SEMA5A: variants seen among roughly 807,000 people sequenced by gnomAD.
SEMA5A encodes semaphorin-5A.
Under a neutral mutation model 135.5 loss-of-function variants are expected in SEMA5A, and 55 were observed. That is an observed-to-expected ratio of 0.41 (90% CI 0.33 to 0.51). The LOEUF is 0.51. Ranked by LOEUF, SEMA5A falls within the 20% of genes least tolerant of loss-of-function variation. SEMA5A has a pLI of 0.37. For synonymous variants in SEMA5A, 580 were observed against 546.5 expected, an observed-to-expected ratio of 1.06 and a Z score of -0.85; for missense variants, 1,290 against 1,419.9, an observed-to-expected ratio of 0.91 and a Z score of 1.47.
At chr5:9,210,287 C>G (rs1746272749) in intron 8 of SEMA5A, among the ~76,000 whole-genome samples, 1 of 152,186 alleles carries the variant, frequency 6.6e-6, no homozygotes, top group South Asian at 2.1e-4. Flanking sequence ...GGCTCCCCAG[C>G]TTTTAAGCCC....
chr5:9,066,421 C>G lies in SEMA5A; in HGVS notation c.2299G>C (p.Gly767Arg). 6.2e-7 allele frequency: 1 copy of G among 1,614,008 alleles called. No homozygotes were observed. Among genetic ancestry groups the G allele is most frequent in the East Asian group, 2.2e-5 (1 of 44,878 alleles). Residue 767 changes from glycine (G) to arginine (R), a missense_variant and splice_region_variant, in exon 17 of 23, where the codon GGG (glycine) becomes CGG (arginine). Physicochemically the swap from Gly to Arg is moderately radical, Grantham distance 125. This residue lies in a region of SEMA5A where 1,029 missense variants were observed against 1,086.6 expected (regional missense o/e 0.95). Coordinates refer to ENST00000382496, the MANE Select transcript of SEMA5A (RefSeq NM_003966.3). ...SDGTSGCSTD[G>R]LSGDFLRAGR... ...CAGTCCCCACGGAATCACTACTCAC[C>G]ATCTGTGGAGCAGCCACTGGTGCCG... is the stretch of plus-strand genomic sequence containing the variant.
intron 2 of SEMA5A, among the ~76,000 whole-genome samples, chr5:9,394,264 T>G (rs1437180171): frequency 6.6e-6 from 1 of 152,056 alleles, no homozygotes. Flanking sequence ...CCATGTCCAT[T>G]TTAGAACCTT....
chr5:9,235,469 C>A (rs934134681), intron 6 of SEMA5A, among the ~76,000 whole-genome samples: 4 of 152,148 alleles, frequency 2.6e-5, no homozygotes, highest in Non-Finnish European at 4.4e-5. Flanking sequence ...AGATGAGAAA[C>A]CCTAAATTAA....
chr5:9,472,868 C>T (rs941880673), intron 1 of SEMA5A, among the ~76,000 whole-genome samples: 3 of 150,244 alleles, frequency 2.0e-5, no homozygotes, highest in South Asian at 2.1e-4. Context: ...AATACATATA[C>T]TTATATAGAA....
chr5:9,314,037 T>C (rs2150655310), intron 5 of SEMA5A, among the ~76,000 whole-genome samples: 1 of 152,294 alleles, frequency 6.6e-6, no homozygotes, highest in South Asian at 2.1e-4. Flanking sequence ...ACTACATTCA[T>C]TTCTCATTGT....
chr5:9,397,955 G>GC (rs1756475470), intron 2 of SEMA5A, among the ~76,000 whole-genome samples: 1 of 152,140 alleles, frequency 6.6e-6, no homozygotes, highest in Non-Finnish European at 1.5e-5. Flanking sequence ...ACAACACCAT[G>GC]TTGATCACGA....
chr5:9,434,031 G>A (rs1412434845), intron 2 of SEMA5A, among the ~76,000 whole-genome samples: 1 of 152,170 alleles, frequency 6.6e-6, no homozygotes, highest in Non-Finnish European at 1.5e-5. Context: ...GAGAAAGCAG[G>A]ATTGGAACTC....
chr5:9,150,875 C>T (rs1160003850), intron 12 of SEMA5A, among the ~76,000 whole-genome samples: 2 of 152,202 alleles, frequency 1.3e-5, no homozygotes, highest in African/African-American at 4.8e-5. Context: ...CTCTGCCTCT[C>T]AGTTTCACAC....
At chr5:9,441,969 T>C (rs1352765476) in intron 1 of SEMA5A, among the ~76,000 whole-genome samples, 1 of 151,440 alleles carries the variant, frequency 6.6e-6, no homozygotes, top group Non-Finnish European at 1.5e-5. Context: ...TTTGGGAGGG[T>C]GAATATGGCA....
At chr5:9,080,823 C>T (rs1738337883) in intron 16 of SEMA5A, among the ~76,000 whole-genome samples, 1 of 152,098 alleles carries the variant, frequency 6.6e-6, no homozygotes, top group African/African-American at 2.4e-5. Flanking sequence ...CTGAGGGGCC[C>T]TCTGATAGGA....
intron 6 of SEMA5A, 54 bp downstream of exon 6, chr5:9,237,774 G>A: frequency 1.3e-6 from 2 of 1,493,870 alleles, no homozygotes; most frequent in South Asian, 1.1e-5. Context: ...GCTTTATATA[G>A]TGTAGAGTCC....
intron 3 of SEMA5A, among the ~76,000 whole-genome samples, chr5:9,361,007 A>G (rs1440852105): frequency 1.3e-5 from 2 of 151,998 alleles, no homozygotes; most frequent in South Asian, 2.1e-4. Flanking sequence ...CCCTTTAAAA[A>G]CTCAAGTCTG....
intron 10 of SEMA5A, among the ~76,000 whole-genome samples, chr5:9,195,640 C>T (rs1283614401): frequency 6.6e-6 from 1 of 152,158 alleles, no homozygotes; most frequent in Non-Finnish European, 1.5e-5. Context: ...TAAAAATGCA[C>T]ATAATTTGCT....
intron 12 of SEMA5A, among the ~76,000 whole-genome samples, chr5:9,140,502 C>T (rs1742006186): frequency 2.0e-5 from 3 of 152,220 alleles, no homozygotes; most frequent in Admixed American, 2.0e-4. Context: ...TCAAGTGCAA[C>T]TCATGAGACA....
chr5:9,092,659 T>C (rs893215939), intron 16 of SEMA5A, among the ~76,000 whole-genome samples: 1 of 152,210 alleles, frequency 6.6e-6, no homozygotes, highest in African/African-American at 2.4e-5. Context: ...AAAAGTTAAA[T>C]GTGGACTAAG....
intron 5 of SEMA5A, among the ~76,000 whole-genome samples, chr5:9,315,271 G>A (rs1752340829): frequency 6.6e-6 from 1 of 152,088 alleles, no homozygotes; most frequent in Admixed American, 6.5e-5. Flanking sequence ...ATGTATGTAT[G>A]TGTATAACAA....
intron 5 of SEMA5A, among the ~76,000 whole-genome samples, chr5:9,274,474 A>T (rs1014086909): frequency 6.6e-6 from 1 of 152,180 alleles, no homozygotes; most frequent in African/African-American, 2.4e-5. Context: ...CTCTGGACCA[A>T]GTGGACCTAA....
At chr5:9,384,255 G>A (rs1015629915) in intron 2 of SEMA5A, among the ~76,000 whole-genome samples, 6 of 151,748 alleles carry the variant, frequency 4.0e-5, no homozygotes, top group East Asian at 3.9e-4. Context: ...CCTCCTTCCC[G>A]GACTCAGCAG....
intron 5 of SEMA5A, among the ~76,000 whole-genome samples, chr5:9,303,032 C>A (rs1751685199): frequency 6.6e-6 from 1 of 151,856 alleles, no homozygotes. Flanking sequence ...CACATGGAAA[C>A]AACCACTTGC....
Sources: gnomAD v4.1 joint callset for allele counts (sites outside exome capture counted in the v4.1 genomes callset) on GRCh38, gnomAD v4.1.1 for gene constraint, gnomAD v4.1.1 regional missense constraint, MANE v1.5 for transcripts, NCBI Gene and HGNC (gene_info 2026-07-23, HGNC 2026-07-21) for gene names.